ANKRD33B: variants seen among roughly 807,000 people sequenced by gnomAD.
ANKRD33B encodes ankyrin repeat domain 33B.
Under a neutral mutation model 21.5 loss-of-function variants are expected in ANKRD33B, and 6 were observed. The observed-to-expected ratio is 0.28, with a 90% CI of 0.15 to 0.55. The LOEUF (loss-of-function observed/expected upper bound fraction) is 0.55. ANKRD33B is among the 20% of genes least tolerant of loss of function. The pLI, the probability that ANKRD33B is intolerant of heterozygous loss-of-function variation, is 0.94. For synonymous variants in ANKRD33B, 347 were observed against 342.4 expected (o/e 1.01, Z -0.15); for missense variants, 698 against 747.2 (o/e 0.93, Z 0.77).
At position 10,655,843 on chromosome 5, in the gene ANKRD33B, G is replaced by C. The variant is rs1737476303; in HGVS notation, c.*5730G>C. On this transcript the variant is annotated 3_prime_UTR_variant, in exon 4 of 4. Coordinates refer to ENST00000296657, the MANE Select transcript of ANKRD33B (RefSeq NM_001164440.2). ...CTGGGGGCCCTGTTTCTTCCAGCCT[G>C]GTCCTTGGTTTCTACCCCAGCCGCT... is the stretch of plus-strand genomic sequence containing the variant. The C allele has an allele frequency of 1.3e-5, 2 of 152,410 alleles. No homozygotes were observed. Among genetic ancestry groups the C allele is most frequent in the South Asian group, 4.1e-4 (2 of 4,834 alleles). 9.4% of individuals were successfully genotyped at this position (152,410 alleles called of 1,614,324 possible).
intron 2 of ANKRD33B, among the ~76,000 whole-genome samples, chr5:10,624,473 C>T (rs1360553995): frequency 6.6e-6 from 1 of 151,908 alleles, no homozygotes; most frequent in Non-Finnish European, 1.5e-5. Flanking sequence ...CCCCTACTTA[C>T]TGATTTGCTT....
intron 1 of ANKRD33B, among the ~76,000 whole-genome samples, chr5:10,618,039 C>T (rs906263701): frequency 3.3e-5 from 5 of 152,240 alleles, no homozygotes; most frequent in Non-Finnish European, 7.3e-5. Context: ...CTACGAGCCC[C>T]ATAGTTGGTG....
At chr5:10,636,521 G>A (rs1340154725) in intron 2 of ANKRD33B, among the ~76,000 whole-genome samples, 4 of 152,170 alleles carry the variant, frequency 2.6e-5, no homozygotes, top group African/African-American at 9.6e-5. Flanking sequence ...GGAGGCTGAG[G>A]AGGGAGGATC....
chr5:10,599,701 T>G (rs1735890603), intron 1 of ANKRD33B, among the ~76,000 whole-genome samples: 2 of 152,254 alleles, frequency 1.3e-5, no homozygotes, highest in Non-Finnish European at 2.9e-5. Context: ...TTCCATCATA[T>G]GTATATACCA....
At chr5:10,581,356 G>A (rs1325182628) in intron 1 of ANKRD33B, among the ~76,000 whole-genome samples, 4 of 152,376 alleles carry the variant, frequency 2.6e-5, no homozygotes, top group Admixed American at 2.0e-4. Context: ...CTAGGGGAGA[G>A]CAGCCTGTTT....
At chr5:10,624,766 G>A (rs1373315219) in intron 2 of ANKRD33B, 1 of 456,666 alleles carries the variant, frequency 2.2e-6, no homozygotes, top group East Asian at 6.9e-5. Flanking sequence ...CTTAGACACT[G>A]GCTCCCAATC....
At chr5:10,568,263 G>A (rs1375632245) in intron 1 of ANKRD33B, among the ~76,000 whole-genome samples, 1 of 152,200 alleles carries the variant, frequency 6.6e-6, no homozygotes, top group Non-Finnish European at 1.5e-5. Flanking sequence ...AATGTCTTCT[G>A]GATTTATGGT....
At chr5:10,586,411 C>T (rs1248352369) in intron 1 of ANKRD33B, among the ~76,000 whole-genome samples, 1 of 152,050 alleles carries the variant, frequency 6.6e-6, no homozygotes, top group Non-Finnish European at 1.5e-5. Flanking sequence ...CAGCCAGTGG[C>T]TCTCTACTTG....
At chr5:10,606,993 A>C (rs1213200075) in intron 1 of ANKRD33B, among the ~76,000 whole-genome samples, 1 of 151,998 alleles carries the variant, frequency 6.6e-6, no homozygotes, top group African/African-American at 2.4e-5. Flanking sequence ...AGCCTCCCAA[A>C]GTGTTGGGGT....
intron 1 of ANKRD33B, among the ~76,000 whole-genome samples, chr5:10,579,665 A>T (rs1022962523): frequency 6.6e-6 from 1 of 152,176 alleles, no homozygotes; most frequent in African/African-American, 2.4e-5. Context: ...GAGTAGTATT[A>T]AATGATTAAA....
chr5:10,646,222 G>A (rs1449532583), intron 3 of ANKRD33B, among the ~76,000 whole-genome samples: 1 of 152,172 alleles, frequency 6.6e-6, no homozygotes, highest in Non-Finnish European at 1.5e-5. Context: ...ATTGAGCCCT[G>A]GGCAAAACAA....
intron 2 of ANKRD33B, chr5:10,627,903 C>G (rs1400567575): frequency 6.6e-6 from 1 of 152,230 alleles, no homozygotes; most frequent in Non-Finnish European, 1.5e-5. Context: ...CAGCTTGGGG[C>G]TTGCCTGGCT....
intron 2 of ANKRD33B, among the ~76,000 whole-genome samples, chr5:10,626,691 C>T (rs1164640769): frequency 1.4e-4 from 21 of 152,206 alleles, no homozygotes; most frequent in Admixed American, 1.1e-3. Flanking sequence ...AGAAGTGCCA[C>T]GGCTTCACGT....
chr5:10,630,153 T>C (rs1261779008), intron 2 of ANKRD33B, among the ~76,000 whole-genome samples: 1 of 152,182 alleles, frequency 6.6e-6, no homozygotes, highest in Non-Finnish European at 1.5e-5. Flanking sequence ...AACAAACAAC[T>C]CCCATGCTCT....
intron 1 of ANKRD33B, among the ~76,000 whole-genome samples, chr5:10,596,291 C>A (rs998271305): frequency 6.6e-6 from 1 of 152,200 alleles, no homozygotes; most frequent in East Asian, 1.9e-4. Flanking sequence ...GTGCAGAATT[C>A]TTTAGCTATT....
At chr5:10,594,481 G>A (rs1337888400) in intron 1 of ANKRD33B, among the ~76,000 whole-genome samples, 1 of 152,128 alleles carries the variant, frequency 6.6e-6, no homozygotes, top group African/African-American at 2.4e-5. Context: ...GCCTCCCAAA[G>A]TGCTGGGATT....
At chr5:10,581,447 C>T (rs1298808452) in intron 1 of ANKRD33B, among the ~76,000 whole-genome samples, 1 of 152,250 alleles carries the variant, frequency 6.6e-6, no homozygotes, top group African/African-American at 2.4e-5. Context: ...ATCCTCTACC[C>T]TGGATCCGGG....
intron 1 of ANKRD33B, among the ~76,000 whole-genome samples, chr5:10,567,879 G>A (rs1021903402): frequency 1.3e-5 from 2 of 152,174 alleles, no homozygotes; most frequent in Non-Finnish European, 2.9e-5. Context: ...CAGTGGAGGG[G>A]TAATTGCATT....
Position 10,650,977 on chromosome 5 carries a change from A to G in ANKRD33B, c.*864A>G, listed in dbSNP as rs1463796357. ...TAAAATGAGGCAAATTTAATAATAA[A>G]TGATTACCAGAAATACAAAATTAAG... is the stretch of plus-strand genomic sequence containing the variant. On this transcript the variant is annotated 3_prime_UTR_variant, in exon 4 of 4. Transcript: ENST00000296657. 3 of 152,408 alleles carry G rather than the reference A, an allele frequency of 2.0e-5. No homozygotes were observed. The highest frequency in any genetic ancestry group is 7.2e-5 in the African/African-American group (3 of 41,472). 9.4% of individuals were successfully genotyped at this position (152,408 alleles called of 1,614,324 possible).
Sources: allele counts gnomAD v4.1 joint callset (sites outside exome capture counted in the v4.1 genomes callset), GRCh38; gene constraint gnomAD v4.1.1; transcripts MANE v1.5; gene names NCBI Gene and HGNC (gene_info 2026-07-23, HGNC 2026-07-21).